Variants in PINX1 observed in about 807,000 individuals in gnomAD.
The protein encoded by PINX1 is PIN2/TERF1-interacting telomerase inhibitor 1.
Under a neutral mutation model 25.4 loss-of-function variants are expected in PINX1, and 34 were observed. The observed-to-expected ratio is 1.34, with a 90% CI of 1.02 to 1.78. The LOEUF (loss-of-function observed/expected upper bound fraction) is 1.78. PINX1 is among the 40% of genes most tolerant of loss of function. The pLI, the probability that PINX1 is intolerant of heterozygous loss-of-function variation, is 0.00. For synonymous variants in PINX1, 197 were observed against 147.7 expected (o/e 1.33, Z -2.42); for missense variants, 592 against 404.9 (o/e 1.46, Z -3.97).
At chr8:10,812,067 C>A (rs1383977691) in intron 6 of PINX1, among the ~76,000 whole-genome samples, 1 of 152,192 alleles carries the variant, frequency 6.6e-6, no homozygotes, top group African/African-American at 2.4e-5. Flanking sequence ...GAACACCCTA[C>A]CCAAGGTGAA....
chr8:10,794,291 C>T lies in PINX1; in HGVS notation c.471+25902G>A, dbSNP rs142660397. On this transcript the variant is annotated intron_variant, in intron 6 of 6. Coordinates refer to ENST00000314787, the MANE Select transcript of PINX1 (RefSeq NM_017884.6). ...AATTTTAAATTACATTTAAAACATA[C>T]AGATCTTAAAATTTCAAATATTTCC... 9.9e-5 allele frequency among the ~76,000 whole-genome samples: 15 copies of T among 152,266 alleles called. No individual in the cohort carries two copies. In the East Asian group the frequency reaches 2.3e-3, roughly 23 times the overall value.
chr8:10,833,033 CAGA>C (rs3062483), intron 2 of PINX1, 49 bp from the exon 3 acceptor site: 385,077 of 1,180,880 alleles, frequency 0.33, 69,020 homozygotes, highest in African/African-American at 0.65. Flanking sequence ...CACTGATACT[CAGA>C]AGCAGAGCAC....
chr8:10,800,466 T>C (rs1802231262), intron 6 of PINX1, among the ~76,000 whole-genome samples: 1 of 148,298 alleles, frequency 6.7e-6, no homozygotes, highest in Non-Finnish European at 1.5e-5. Context: ...TGACTGAGAA[T>C]AAACTTTTTT....
Position 10,765,685 on chromosome 8 carries a change from G to A in PINX1, c.703C>T (p.His235Tyr), listed in dbSNP as rs1055496910. 1 of 1,614,028 alleles carries A rather than the reference G, an allele frequency of 6.2e-7. No individual in the cohort carries two copies. The highest frequency in any genetic ancestry group is 8.5e-7 in the Non-Finnish European group (1 of 1,179,904). ...ESYLQPKAKR[H>Y]TEGKPERAEA... ...GCCCTCTCGGGCTTTCCCTCCGTGT[G>A]CCTCTTGGCCTTAGGCTGGAGGTAA... The change falls in exon 7 of 7, where the codon CAC (histidine) becomes TAC (tyrosine). Residue 235 changes from histidine to tyrosine, a missense_variant. Physicochemically the swap from His to Tyr is moderately conservative, Grantham distance 83. Coordinates refer to ENST00000314787, the MANE Select transcript of PINX1 (RefSeq NM_017884.6).
chr8:10,785,947 G>A (rs1006199790), intron 6 of PINX1, among the ~76,000 whole-genome samples: 2 of 152,200 alleles, frequency 1.3e-5, no homozygotes, highest in African/African-American at 4.8e-5. Flanking sequence ...TTAGCTACCT[G>A]AAAAGATTCT....
chr8:10,821,346 T>G (rs890412985), intron 5 of PINX1, among the ~76,000 whole-genome samples: 1 of 152,214 alleles, frequency 6.6e-6, no homozygotes, highest in Non-Finnish European at 1.5e-5. Context: ...CACTCTTCAA[T>G]TTAATGCAAA....
intron 6 of PINX1, among the ~76,000 whole-genome samples, chr8:10,803,344 T>A (rs962475006): frequency 1.4e-4 from 21 of 152,232 alleles, no homozygotes; most frequent in African/African-American, 5.1e-4. Flanking sequence ...TTTCTTGGCA[T>A]CTAATGCGAT....
chr8:10,802,848 T>G (rs750790921), intron 6 of PINX1, among the ~76,000 whole-genome samples: 1 of 152,200 alleles, frequency 6.6e-6, no homozygotes, highest in African/African-American at 2.4e-5. Flanking sequence ...TTTCTTCTCT[T>G]TGTTTGCTTC....
intron 6 of PINX1, among the ~76,000 whole-genome samples, chr8:10,799,681 G>A (rs980001401): frequency 1.3e-5 from 2 of 152,208 alleles, no homozygotes; most frequent in Admixed American, 6.5e-5. Context: ...AAACTGGGGT[G>A]CAGTAGACAG....
chr8:10,787,213 A>C (rs1046101224), intron 6 of PINX1, among the ~76,000 whole-genome samples: 1 of 147,994 alleles, frequency 6.8e-6, no homozygotes. Flanking sequence ...TTTTATGCAC[A>C]CACACACACA....
intron 3 of PINX1, 47 bp downstream of exon 3, chr8:10,832,845 G>T: frequency 9.0e-7 from 1 of 1,115,306 alleles, no homozygotes; most frequent in Non-Finnish European, 1.4e-6. Flanking sequence ...TTACAAGACT[G>T]AAGCCAATTA....
At chr8:10,767,257 G>C (rs982702950) in intron 6 of PINX1, among the ~76,000 whole-genome samples, 1 of 152,150 alleles carries the variant, frequency 6.6e-6, no homozygotes, top group African/African-American at 2.4e-5. Flanking sequence ...ACCCTGTATT[G>C]TCTCGACACA....
rs72552395 is a variant in PINX1 at position 10,793,159 on chromosome 8, G to A, written c.471+27034C>T. On this transcript the variant is annotated intron_variant, in intron 6 of 6. Coordinates refer to ENST00000314787, the MANE Select transcript of PINX1 (RefSeq NM_017884.6). ...TTCCGCTTGAGGTGCTTCAAGAAGT[G>A]TAAGCTTGAAGAGCTCCTGCCCCCA... 3.3e-3 allele frequency among the ~76,000 whole-genome samples: 508 copies of A among 152,294 alleles called. 6 individuals carry two copies. Among genetic ancestry groups the A allele is most frequent in the African/African-American group, 0.012 (488 of 41,550 alleles).
intron 6 of PINX1, among the ~76,000 whole-genome samples, chr8:10,807,003 A>G (rs139912711): frequency 1.9e-3 from 295 of 152,322 alleles, no homozygotes; most frequent in Middle Eastern, 3.4e-3. Flanking sequence ...GCTCTTCATT[A>G]ATTGACTGTT....
chr8:10,810,939 T>A (rs532212826), intron 6 of PINX1, among the ~76,000 whole-genome samples: 1 of 152,354 alleles, frequency 6.6e-6, no homozygotes, highest in South Asian at 2.1e-4. Flanking sequence ...ATATTAAATA[T>A]TGTGACTACG....
chr8:10,793,489 A>T (rs1289125916), intron 6 of PINX1, among the ~76,000 whole-genome samples: 1 of 152,188 alleles, frequency 6.6e-6, no homozygotes, highest in East Asian at 1.9e-4. Flanking sequence ...ACAACATTTA[A>T]AAGACTTTAC....
intron 6 of PINX1, among the ~76,000 whole-genome samples, chr8:10,811,791 A>G (rs1472987045): frequency 6.6e-6 from 1 of 152,162 alleles, no homozygotes. Context: ...GAAAGCTTCA[A>G]GAGCAAGTGT....
At chr8:10,781,240 T>A (rs1115867) in intron 6 of PINX1, among the ~76,000 whole-genome samples, 93,644 of 152,052 alleles carry the variant, frequency 0.62, 29,942 homozygotes, top group African/African-American at 0.78. Context: ...CTAAAACCAT[T>A]AAACTCCCAG....
rs899456595 is a variant in PINX1, at chr8:10,817,365, A to G, written c.471+2828T>C. Among the ~76,000 whole-genome samples the G allele has an allele frequency of 6.6e-5, 10 of 152,324 alleles. No individual in the cohort carries two copies. The South Asian group carries it at 1.0e-3, about 16-fold the overall frequency. ...GGAGCCGAAAGAGGTTGTATTTTCAAACAAATCTGATCAAAGTCCTCCTGC... is the reference window on the plus strand; with the variant it reads ...GGAGCCGAAAGAGGTTGTATTTTCAGACAAATCTGATCAAAGTCCTCCTGC... On this transcript the variant is annotated intron_variant, in intron 6 of 6. Transcript: ENST00000314787.
Sources: allele counts gnomAD v4.1 joint callset (sites outside exome capture counted in the v4.1 genomes callset), GRCh38; gene constraint gnomAD v4.1.1; transcripts MANE v1.5; gene names NCBI Gene and HGNC (gene_info 2026-07-23, HGNC 2026-07-21).